The following SLC12A4 variants were observed in gnomAD, a reference collection of about 807,000 sequenced individuals.
SLC12A4 encodes electroneutral potassium-chloride cotransporter 1.
Under a neutral mutation model 119.2 loss-of-function variants are expected in SLC12A4, and 84 were observed. The observed-to-expected ratio is 0.70, with a 90% CI of 0.59 to 0.85. The LOEUF (loss-of-function observed/expected upper bound fraction) is 0.85, where lower values mean the gene tolerates loss of function less well. Among genes scored for constraint, SLC12A4 ranks in the 40% least tolerant of loss-of-function variants. SLC12A4 has a pLI of 0.00. For synonymous variants in SLC12A4, 599 were observed against 604.6 expected, an observed-to-expected ratio of 0.99 and a Z score of 0.14; for missense variants, 1,298 against 1,476.3, an observed-to-expected ratio of 0.88 and a Z score of 1.98.
Position 67,950,120 on chromosome 16 carries a change from G to T in SLC12A4, c.1629+199C>A. On this transcript the variant is annotated intron_variant, in intron 12 of 23. Coordinates refer to ENST00000316341, the MANE Select transcript of SLC12A4 (RefSeq NM_005072.5). The surrounding 1 kb of genome is among the most constrained non-coding windows in gnomAD (Gnocchi z 4.3). ...TTTGGATGAGCCCTAAACAGGCCAT[G>T]AAGATTCTGGGTCCAGGCAGCTCCA... The T allele has an allele frequency of 1.4e-6, 1 of 696,036 alleles. No homozygotes were observed. The highest frequency in any genetic ancestry group is 2.4e-6 in the Non-Finnish European group (1 of 420,664). The allele number at this position is 696,036 out of a possible 1,614,324, so 43.1% of individuals were successfully genotyped here.
At chr16:67,956,738 T>TAC (rs1218951388) in intron 5 of SLC12A4, among the ~76,000 whole-genome samples, 1 of 151,320 alleles carries the variant, frequency 6.6e-6, no homozygotes, top group African/African-American at 2.4e-5. Flanking sequence ...TTGGGAAACA[T>TAC]ACACACACAC....
At chr16:67,959,535 T>A (rs1449909519) in intron 3 of SLC12A4, among the ~76,000 whole-genome samples, 1 of 152,136 alleles carries the variant, frequency 6.6e-6, no homozygotes, top group African/African-American at 2.4e-5. Flanking sequence ...CCTAAAGGAC[T>A]TCAGAAGAGC....
chr16:67,945,304 G>T (rs1653862574), intron 22 of SLC12A4, 65 bp downstream of exon 22: 2 of 1,571,062 alleles, frequency 1.3e-6, no homozygotes, highest in Non-Finnish European at 1.7e-6. Flanking sequence ...AACACTACTT[G>T]TCTGCCCCAC....
chr16:67,961,266 G>C (rs1171108767), intron 3 of SLC12A4, among the ~76,000 whole-genome samples: 1 of 152,152 alleles, frequency 6.6e-6, no homozygotes, highest in African/African-American at 2.4e-5. Flanking sequence ...TGGTTTTGTT[G>C]TACAGATGAC....
rs768865183 is a variant in SLC12A4, at chr16:67,963,570, A to T, written c.116-11T>A. 6 of 1,551,620 alleles carry T rather than the reference A, an allele frequency of 3.9e-6. No homozygotes were observed. In the East Asian group the frequency reaches 1.1e-4, roughly 29 times the overall value. On this transcript the variant is annotated splice_polypyrimidine_tract_variant and intron_variant, in intron 1 of 23. Coordinates refer to ENST00000316341, the MANE Select transcript of SLC12A4 (RefSeq NM_005072.5). ...TGTGGTTGCCATGTCCTGTGAAGAG[A>T]GAGGGACAATCAGGGCCTGCTTCCT...
Position 67,951,740 on chromosome 16 carries a change from T to C in SLC12A4, c.1132+83A>G. The C allele has an allele frequency of 7.9e-7, 1 of 1,267,642 alleles. No individual in the cohort carries two copies. The highest frequency in any genetic ancestry group is 1.5e-5 in the African/African-American group (1 of 67,744). The allele number at this position is 1,267,642 out of a possible 1,614,324, so 78.5% of individuals were successfully genotyped here. On this transcript the variant is annotated intron_variant, in intron 8 of 23. Coordinates refer to ENST00000316341, the MANE Select transcript of SLC12A4 (RefSeq NM_005072.5). The surrounding 1 kb of genome is among the most constrained non-coding windows in gnomAD (Gnocchi z 5.2). ...GCCAGTCCTGCCCCCGTTCCCAAGC[T>C]GGCCACACAAGGACAGCTCTGTGCT... is the stretch of plus-strand genomic sequence containing the variant.
Position 67,943,975 on chromosome 16 carries a change from T to C in SLC12A4, c.*865A>G. ...AGGATGACGGGCCGTGTGTGGTTAC[T>C]GAGCTCAGCCTTGGGCGTGGTGTGC... On this transcript the variant is annotated 3_prime_UTR_variant, in exon 24 of 24. Transcript: ENST00000316341. The surrounding 1 kb of genome is among the most constrained non-coding windows in gnomAD (Gnocchi z 4.6). 6.5e-7 allele frequency: 1 copy of C among 1,548,122 alleles called. No homozygotes were observed. Among genetic ancestry groups the C allele is most frequent in the Non-Finnish European group, 8.7e-7 (1 of 1,145,416 alleles).
chr16:67,961,318 A>T (rs1227778804), intron 3 of SLC12A4, among the ~76,000 whole-genome samples: 8 of 152,086 alleles, frequency 5.3e-5, no homozygotes, highest in Admixed American at 5.2e-4. Context: ...GCACACAGTA[A>T]AGGCTGAGTA....
Position 67,945,699 on chromosome 16 carries a change from C to T in SLC12A4, c.2847+65G>A. ...AGTCATTCTGATTCCTCCGCACCCA[C>T]CGATGCGGTCTCCAAAGGCCTGACC... On this transcript the variant is annotated intron_variant, in intron 21 of 23. Coordinates refer to ENST00000316341, the MANE Select transcript of SLC12A4 (RefSeq NM_005072.5). The T allele has an allele frequency of 3.9e-6, 6 of 1,525,370 alleles. 1 individual carries two copies. The highest frequency in any genetic ancestry group is 2.3e-5 in the South Asian group (2 of 85,792). 94.5% of individuals were successfully genotyped at this position (1,525,370 alleles called of 1,614,324 possible). A position where few individuals can be genotyped will look rare whatever the true frequency, so the allele number is the denominator to read the frequency against.
Position 67,946,285 on chromosome 16 carries a change from G to A in SLC12A4, c.2493C>T (p.Ile831=), listed in dbSNP as rs761784222. ...GCTCGTGGTTGCTGGGGTAGAAGGC[G>A]ATGTTCTTGGGCACGAGCAGGGCCA... is the stretch of plus-strand genomic sequence containing the variant. The part of the protein sequence containing the change: ...AHLALLVPKN[I]AFYPSNHERY... Residue 831 remains isoleucine (I), a synonymous_variant, in exon 19 of 24, where the codon ATC becomes ATT. Coordinates refer to ENST00000316341, the MANE Select transcript of SLC12A4 (RefSeq NM_005072.5). 21 of 1,613,180 alleles carry A rather than the reference G, an allele frequency of 1.3e-5. No individual in the cohort carries two copies. Among genetic ancestry groups the A allele is most frequent in the South Asian group, 3.3e-5 (3 of 91,082 alleles).
intron 14 of SLC12A4, 103 bp downstream of exon 14, chr16:67,947,958 T>G (rs934114074): frequency 2.0e-6 from 3 of 1,481,002 alleles, no homozygotes; most frequent in African/African-American, 2.8e-5. Flanking sequence ...ATAATCTCCC[T>G]CCCCACAGTG....
Position 67,944,536 on chromosome 16 carries a change from C to G in SLC12A4, c.*304G>C. On this transcript the variant is annotated 3_prime_UTR_variant, in exon 24 of 24. Transcript: ENST00000316341. This position sits in a 1 kb window ranked among gnomAD's most constrained non-coding sequence, Gnocchi z 6.6. The stretch of plus-strand genomic sequence containing the variant: ...ATATGCAATAAATAGCGCTCCTGGG[C>G]TGGGCCGGGCCGGCTGCCTTCAAAC... The G allele has an allele frequency of 7.8e-7, 1 of 1,288,326 alleles. No homozygotes were observed. Among genetic ancestry groups the G allele is most frequent in the East Asian group, 3.2e-5 (1 of 31,440 alleles). The allele number at this position is 1,288,326 out of a possible 1,614,324, so 79.8% of individuals were successfully genotyped here.
At position 67,944,727 on chromosome 16, in the gene SLC12A4, G is replaced by A. The variant is rs1294274086; in HGVS notation, c.*113C>T. 3.4e-6 allele frequency: 5 copies of A among 1,487,284 alleles called. No individual in the cohort carries two copies. Among genetic ancestry groups the A allele is most frequent in the Non-Finnish European group, 4.5e-6 (5 of 1,119,312 alleles). 92.1% of individuals were successfully genotyped at this position (1,487,284 alleles called of 1,614,324 possible). A position where few individuals can be genotyped will look rare whatever the true frequency, so the allele number is the denominator to read the frequency against. On this transcript the variant is annotated 3_prime_UTR_variant, in exon 24 of 24. Coordinates refer to ENST00000316341, the MANE Select transcript of SLC12A4 (RefSeq NM_005072.5). The surrounding 1 kb of genome is among the most constrained non-coding windows in gnomAD (Gnocchi z 6.6). ...CCTAGCAAAGCTGGGTCCAGGACAGGGCCAGGCAAGCAGGGCTGGCAGGTG... is the reference window on the plus strand; with the variant it reads ...CCTAGCAAAGCTGGGTCCAGGACAGAGCCAGGCAAGCAGGGCTGGCAGGTG...
At position 67,950,024 on chromosome 16, in the gene SLC12A4, C is replaced by T. The variant is rs1225451418; in HGVS notation, c.1630-106G>A. ...ACCCCCAGGGCCCGCCTTGGGGGCT[C>T]AGGCCGCCCCTGTGTCTATCCCTAT... is the stretch of plus-strand genomic sequence containing the variant. On this transcript the variant is annotated intron_variant, in intron 12 of 23. Coordinates refer to ENST00000316341, the MANE Select transcript of SLC12A4 (RefSeq NM_005072.5). This position sits in a 1 kb window ranked among gnomAD's most constrained non-coding sequence, Gnocchi z 4.3. 4 of 872,338 alleles carry T rather than the reference C, an allele frequency of 4.6e-6. No individual in the cohort carries two copies. The highest frequency in any genetic ancestry group is 7.4e-6 in the Non-Finnish European group (4 of 538,486). The allele number at this position is 872,338 out of a possible 1,614,324, so 54.0% of individuals were successfully genotyped here. A position where few individuals can be genotyped will look rare whatever the true frequency, so the allele number is the denominator to read the frequency against.
chr16:67,945,927 G>A (rs759077717), intron 20 of SLC12A4, 24 bp downstream of exon 20: 6 of 1,612,890 alleles, frequency 3.7e-6, no homozygotes, highest in South Asian at 1.1e-5. Context: ...TATCCACGGG[G>A]CCAGGGCAGG....
intron 1 of SLC12A4, among the ~76,000 whole-genome samples, chr16:67,965,287 GA>G (rs1266765756): frequency 1.4e-5 from 2 of 147,900 alleles, no homozygotes; most frequent in Non-Finnish European, 3.0e-5. Context: ...AAAAGCCTTT[GA>G]AAATTACTTT....
In SLC12A4 at chr16:67,950,008, G is replaced by T; in HGVS notation, c.1630-90C>A. The T allele has an allele frequency of 1.9e-6, 2 of 1,053,270 alleles. No individual in the cohort carries two copies. The highest frequency in any genetic ancestry group is 1.4e-6 in the Non-Finnish European group (1 of 691,452). The allele number at this position is 1,053,270 out of a possible 1,614,324, so 65.2% of individuals were successfully genotyped here. The stretch of plus-strand genomic sequence containing the variant: ...CAGCCTGGCCTCCCTCACCCCCAGG[G>T]CCCGCCTTGGGGGCTCAGGCCGCCC... On this transcript the variant is annotated intron_variant, in intron 12 of 23. Transcript: ENST00000316341. This position sits in a 1 kb window ranked among gnomAD's most constrained non-coding sequence, Gnocchi z 4.3.
chr16:67,950,047 T>C lies in SLC12A4; in HGVS notation c.1630-129A>G, dbSNP rs572061971. 17 of 757,130 alleles carry C rather than the reference T, an allele frequency of 2.2e-5. No individual in the cohort carries two copies. The East Asian group carries it at 4.3e-4, about 19-fold the overall frequency. 46.9% of individuals were successfully genotyped at this position (757,130 alleles called of 1,614,324 possible). A position where few individuals can be genotyped will look rare whatever the true frequency, so the allele number is the denominator to read the frequency against. ...CTCAGGCCGCCCCTGTGTCTATCCC[T>C]ATGGGTGTCACCAGTCTCCCTGATT... On this transcript the variant is annotated intron_variant, in intron 12 of 23. Coordinates refer to ENST00000316341, the MANE Select transcript of SLC12A4 (RefSeq NM_005072.5). The surrounding 1 kb of genome is among the most constrained non-coding windows in gnomAD (Gnocchi z 4.3).
At position 67,950,413 on chromosome 16, in the gene SLC12A4, A is replaced by G. The variant is rs2058401012; in HGVS notation, c.1535T>C (p.Phe512Ser). 6.8e-6 allele frequency: 11 copies of G among 1,614,016 alleles called. No homozygotes were observed. The highest frequency in any genetic ancestry group is 8.5e-6 in the Non-Finnish European group (10 of 1,180,002). Residue 512 changes from phenylalanine to serine, a missense_variant, in exon 12 of 24, where the codon TTC becomes TCC. Coordinates refer to ENST00000316341, the MANE Select transcript of SLC12A4 (RefSeq NM_005072.5). The surrounding 1 kb of genome is among the most constrained non-coding windows in gnomAD (Gnocchi z 4.3). Reference sequence around the variant, plus strand: ...GAGGCCAGCGCCACACGTTGAAAAGAAGGAGCCGATGACGATGACCCAGGG... The same window carrying G: ...GAGGCCAGCGCCACACGTTGAAAAGGAGGAGCCGATGACGATGACCCAGGG... ...PSPWVIVIGS[F>S]FSTCGAGLQS... is the part of the protein sequence containing the mutation.
Sources: gnomAD v4.1 joint callset for allele counts (sites outside exome capture counted in the v4.1 genomes callset) on GRCh38, gnomAD v4.1.1 for gene constraint, Gnocchi (gnomAD v3.1) non-coding constraint, MANE v1.5 for transcripts, NCBI Gene and HGNC (gene_info 2026-07-23, HGNC 2026-07-21) for gene names.